STAMBP: variants seen among roughly 807,000 people sequenced by gnomAD.
STAMBP encodes the protein STAM-binding protein.
STAMBP carries 31 observed loss-of-function variants against 50.7 expected under a neutral mutation model. The ratio of observed to expected loss-of-function variants is 0.61; its 90% CI spans 0.46 to 0.83. STAMBP has a LOEUF of 0.83. STAMBP is among the 40% of genes least tolerant of loss of function. STAMBP has a pLI of 0.00. For synonymous variants in STAMBP, 211 were observed against 192.4 expected, an observed-to-expected ratio of 1.10 and a Z score of -0.80; for missense variants, 472 against 518.9, an observed-to-expected ratio of 0.91 and a Z score of 0.88.
At chr2:73,836,523 G>A (rs1674732071) in intron 2 of STAMBP, among the ~76,000 whole-genome samples, 1 of 152,246 alleles carries the variant, frequency 6.6e-6, no homozygotes, top group Non-Finnish European at 1.5e-5. Flanking sequence ...GGTGGAGGAG[G>A]GAGCTGTGGG....
chr2:73,859,253 G>C lies in STAMBP; in HGVS notation c.1006-1G>C. ...TCCTCTGACTCTTTTTCTCTCCTCA[G>C]ACTCACCCCACACAGACCGCGTTTC... On this transcript the variant is annotated splice_acceptor_variant, in intron 7 of 9. Transcript: ENST00000394070. LOFTEE classifies it high-confidence loss of function. 6.2e-7 allele frequency: 1 copy of C among 1,613,580 alleles called. No homozygotes were observed. Among genetic ancestry groups the C allele is most frequent in the Non-Finnish European group, 8.5e-7 (1 of 1,179,560 alleles).
chr2:73,840,239 T>C (rs761818647), intron 2 of STAMBP, among the ~76,000 whole-genome samples: 3 of 151,984 alleles, frequency 2.0e-5, no homozygotes, highest in Non-Finnish European at 4.4e-5. Flanking sequence ...AATGGGTGAA[T>C]GATTACATTG....
chr2:73,845,781 G>A (rs1558573935), intron 4 of STAMBP, among the ~76,000 whole-genome samples: 1 of 151,910 alleles, frequency 6.6e-6, no homozygotes. Context: ...ACAGGCATCC[G>A]CCACCATACC....
At chr2:73,871,266 G>A (rs868863682), downstream of STAMBP, among the ~76,000 whole-genome samples, 6 of 151,946 alleles carry the variant, frequency 3.9e-5, no homozygotes, top group Admixed American at 6.6e-5. Flanking sequence ...AATTGCGGCC[G>A]GGCGTGGTGG....
Position 73,845,275 on chromosome 2 carries a change from C to A in STAMBP, c.375+13C>A. On this transcript the variant is annotated intron_variant, in intron 4 of 9. Coordinates refer to ENST00000394070, the MANE Select transcript of STAMBP (RefSeq NM_213622.4). ...TAATGAAGAAAAGGTCAGTATATAA[C>A]AGCTAAGAAGAAAATTATTTTGCTT... 6.4e-7 allele frequency: 1 copy of A among 1,567,652 alleles called. No individual in the cohort carries two copies. The highest frequency in any genetic ancestry group is 8.7e-7 in the Non-Finnish European group (1 of 1,143,136).
At chr2:73,858,687 A>T (rs1677898082) in intron 7 of STAMBP, among the ~76,000 whole-genome samples, 1 of 152,218 alleles carries the variant, frequency 6.6e-6, no homozygotes, top group South Asian at 2.1e-4. Context: ...GAAAGAAATT[A>T]TGAGTCTCTT....
At chr2:73,840,309 G>GTTT (rs1157397522) in intron 2 of STAMBP, among the ~76,000 whole-genome samples, 70 of 104,670 alleles carry the variant, frequency 6.7e-4, no homozygotes, top group Non-Finnish European at 1.1e-3. Flanking sequence ...ACATTTAGGG[G>GTTT]TTTGTTTTTT....
At chr2:73,844,017 G>C (rs1675762182) in intron 2 of STAMBP, among the ~76,000 whole-genome samples, 1 of 152,186 alleles carries the variant, frequency 6.6e-6, no homozygotes, top group African/African-American at 2.4e-5. Context: ...GAGCCAGCCT[G>C]CTCATACTGA....
At chr2:73,868,928 ATCT>A (rs1201458203), downstream of STAMBP, among the ~76,000 whole-genome samples, 2 of 152,190 alleles carry the variant, frequency 1.3e-5, no homozygotes, top group Non-Finnish European at 2.9e-5. Context: ...GATAAAATAA[ATCT>A]TCTAATATAT....
chr2:73,854,218 G>T (rs576636346), intron 7 of STAMBP, among the ~76,000 whole-genome samples: 2 of 152,324 alleles, frequency 1.3e-5, no homozygotes, highest in Middle Eastern at 3.4e-3. Flanking sequence ...TTGAAATGAT[G>T]TCTGGAGGAG....
At chr2:73,853,633 A>G (rs1020597540) in intron 7 of STAMBP, among the ~76,000 whole-genome samples, 9 of 152,182 alleles carry the variant, frequency 5.9e-5, no homozygotes, top group African/African-American at 2.2e-4. Context: ...GAGGCAGGAG[A>G]ATTGCTTGAA....
rs1301299111 is a variant in STAMBP, at chr2:73,862,305, G to A, written c.*46G>A. On this transcript the variant is annotated 3_prime_UTR_variant, in exon 10 of 10. Coordinates refer to ENST00000394070, the MANE Select transcript of STAMBP (RefSeq NM_213622.4). ...CCAAGAACAACAAAACCATATCAGT[G>A]TACTGTAGCCCCTTAATTTAAGCTT... 1.3e-6 allele frequency: 2 copies of A among 1,554,786 alleles called. No homozygotes were observed. Among genetic ancestry groups the A allele is most frequent in the African/African-American group, 1.4e-5 (1 of 72,392 alleles).
intron 7 of STAMBP, among the ~76,000 whole-genome samples, chr2:73,852,631 G>A (rs1676975319): frequency 1.3e-5 from 2 of 152,160 alleles, no homozygotes; most frequent in Non-Finnish European, 2.9e-5. Flanking sequence ...GTATGAAAAA[G>A]GTGAGGGTAG....
intron 1 of STAMBP, 42 bp downstream of exon 1, chr2:73,829,552 C>T (rs1160349880): frequency 6.6e-6 from 1 of 152,228 alleles, no homozygotes; most frequent in African/African-American, 2.4e-5. Context: ...AGTTAACTTT[C>T]ATGGGCCGTG....
intron 7 of STAMBP, among the ~76,000 whole-genome samples, chr2:73,854,937 C>T (rs2104614520): frequency 6.6e-6 from 1 of 152,164 alleles, no homozygotes; most frequent in Admixed American, 6.5e-5. Context: ...TGCAGTGAGC[C>T]GTGATCACAC....
chr2:73,832,898 G>A (rs1228567146), intron 2 of STAMBP, among the ~76,000 whole-genome samples: 1 of 152,222 alleles, frequency 6.6e-6, no homozygotes, highest in East Asian at 1.9e-4. Context: ...TAATTGTAGA[G>A]TGGAGAAATG....
At chr2:73,870,078 T>G (rs1230401480), downstream of STAMBP, 3 of 152,246 alleles carry the variant, frequency 2.0e-5, no homozygotes, top group East Asian at 3.8e-4. Context: ...TTTCTTCAAA[T>G]GTACTACAAA....
At chr2:73,845,403 G>A (rs1218212724) in intron 4 of STAMBP, 141 bp downstream of exon 4, 2 of 630,958 alleles carry the variant, frequency 3.2e-6, no homozygotes, top group Non-Finnish European at 5.6e-6. Flanking sequence ...ACTCAAAAAA[G>A]TAGAACACCA....
chr2:73,857,801 A>G, intron 7 of STAMBP, among the ~76,000 whole-genome samples: 1 of 151,952 alleles, frequency 6.6e-6, no homozygotes, highest in East Asian at 1.9e-4. Context: ...CCCCCACCCC[A>G]CTTGTGGCAT....
Sources: allele counts gnomAD v4.1 joint callset (sites outside exome capture counted in the v4.1 genomes callset), GRCh38; gene constraint gnomAD v4.1.1; transcripts MANE v1.5; gene names NCBI Gene and HGNC (gene_info 2026-07-23, HGNC 2026-07-21).